Variants in TRAPPC11 observed in about 807,000 individuals in gnomAD.
The protein encoded by TRAPPC11 is foie gras homolog.
TRAPPC11 carries 104 observed loss-of-function variants against 151.2 expected under a neutral mutation model. The ratio of observed to expected loss-of-function variants is 0.69; its 90% CI spans 0.59 to 0.81. The LOEUF is 0.81. TRAPPC11 is among the 30% of genes least tolerant of loss of function. The probability of loss-of-function intolerance (pLI) is 0.00; values close to 1 mark genes in which losing one functional copy is unlikely to be tolerated. For synonymous variants in TRAPPC11, 456 were observed against 472.3 expected (o/e 0.97, Z 0.45); for missense variants, 1,230 against 1,349.6 (o/e 0.91, Z 1.39).
intron 29 of TRAPPC11, among the ~76,000 whole-genome samples, chr4:183,710,328 C>G (rs1737279533): frequency 6.6e-6 from 1 of 151,940 alleles, no homozygotes; most frequent in South Asian, 2.1e-4. Flanking sequence ...GCTCTGTTGC[C>G]CAGGCTGGAG....
intron 23 of TRAPPC11, among the ~76,000 whole-genome samples, chr4:183,695,553 G>A (rs903221868): frequency 1.3e-5 from 2 of 152,138 alleles, no homozygotes; most frequent in East Asian, 1.9e-4. Flanking sequence ...TTTCTAAATA[G>A]ATTCAATTGT....
rs150037760 is a variant in TRAPPC11, at chr4:183,703,650, C to T, written c.2964-1329C>T. 5.6e-4 allele frequency among the ~76,000 whole-genome samples: 86 copies of T among 152,216 alleles called. 1 individual carries two copies. The highest frequency in any genetic ancestry group is 1.6e-3 in the African/African-American group (67 of 41,534). Reference sequence around the variant, plus strand: ...CTTTCATAGACCTAGGTGGGAGGATCGCTGGAGCTCAGGAGGTATATTCAT... The same window carrying T: ...CTTTCATAGACCTAGGTGGGAGGATTGCTGGAGCTCAGGAGGTATATTCAT... On this transcript the variant is annotated intron_variant, in intron 26 of 29. Coordinates refer to ENST00000334690, the MANE Select transcript of TRAPPC11 (RefSeq NM_021942.6).
intron 20 of TRAPPC11, 131 bp from the exon 21 acceptor site, chr4:183,693,458 A>C (rs965772018): frequency 3.1e-6 from 3 of 966,252 alleles, no homozygotes; most frequent in Non-Finnish European, 4.5e-6. Flanking sequence ...CTCCTGCCTC[A>C]GTCTCCCAAA....
intron 5 of TRAPPC11, among the ~76,000 whole-genome samples, chr4:183,671,207 A>G (rs1735140010): frequency 6.6e-6 from 1 of 152,188 alleles, no homozygotes; most frequent in South Asian, 2.1e-4. Flanking sequence ...ATTTGAAGCA[A>G]AGAATTTCCA....
chr4:183,693,903 A>G lies in TRAPPC11; in HGVS notation c.2387-14A>G. On this transcript the variant is annotated splice_polypyrimidine_tract_variant and intron_variant, in intron 21 of 29. Coordinates refer to ENST00000334690, the MANE Select transcript of TRAPPC11 (RefSeq NM_021942.6). ...GAATTCTTTGTTTTGAAGAACCAAT[A>G]TTAACTCTTTTAGGACAGGATGCCA... The G allele has an allele frequency of 2.5e-6, 4 of 1,611,684 alleles. No homozygotes were observed. Among genetic ancestry groups the G allele is most frequent in the Non-Finnish European group, 2.5e-6 (3 of 1,178,052 alleles).
chr4:183,693,024 G>A lies in TRAPPC11; in HGVS notation c.2114G>A (p.Gly705Glu), dbSNP rs766495529. 4.3e-6 allele frequency: 7 copies of A among 1,612,244 alleles called. No individual in the cohort carries two copies. The highest frequency in any genetic ancestry group is 5.9e-6 in the Non-Finnish European group (7 of 1,178,790). ...TGRCVVLNWQ[G>E]GGGDAASSQE... ...AGATGTGTGGTTTTAAATTGGCAGGGAGGAGGAGGAGATGCTGCTTCCTCC... is the reference window on the plus strand; with the variant it reads ...AGATGTGTGGTTTTAAATTGGCAGGAAGGAGGAGGAGATGCTGCTTCCTCC... The change falls in exon 20 of 30, where the codon GGA becomes GAA. Residue 705 changes from glycine (G) to glutamate (E), a missense_variant. Gly to Glu is a moderately conservative substitution (Grantham distance 98, BLOSUM62 -2). Coordinates refer to ENST00000334690, the MANE Select transcript of TRAPPC11 (RefSeq NM_021942.6).
intron 29 of TRAPPC11, among the ~76,000 whole-genome samples, chr4:183,710,335 G>T (rs1737279771): frequency 6.6e-6 from 1 of 151,524 alleles, no homozygotes; most frequent in African/African-American, 2.4e-5. Context: ...TGCCCAGGCT[G>T]GAGTGCAGTG....
intron 2 of TRAPPC11, among the ~76,000 whole-genome samples, chr4:183,665,149 C>T (rs1405399366): frequency 7.7e-6 from 1 of 129,644 alleles, no homozygotes; most frequent in Non-Finnish European, 1.5e-5. Context: ...GGCTGGAGTG[C>T]TGTGGCGCGA....
At chr4:183,663,515 G>A (rs1734670534) in intron 1 of TRAPPC11, among the ~76,000 whole-genome samples, 1 of 152,090 alleles carries the variant, frequency 6.6e-6, no homozygotes, top group Admixed American at 6.6e-5. Context: ...TTACAGGCGT[G>A]AGTCACCACG....
chr4:183,660,992 G>A (rs1237995552), intron 1 of TRAPPC11, among the ~76,000 whole-genome samples: 4 of 152,040 alleles, frequency 2.6e-5, no homozygotes, highest in East Asian at 1.9e-4. Flanking sequence ...GATTACAGGC[G>A]TGAGCCGCTG....
At chr4:183,677,319 T>G in intron 7 of TRAPPC11, 139 bp from the exon 8 acceptor site, 1 of 649,034 alleles carries the variant, frequency 1.5e-6, no homozygotes, top group Non-Finnish European at 2.8e-6. Context: ...GGCTCATTTA[T>G]CAGGAAATCA....
rs1019996843 is a variant in TRAPPC11 at position 183,706,883 on chromosome 4, A to G, written c.3132A>G (p.Gln1044=). The G allele has an allele frequency of 1.2e-6, 2 of 1,614,028 alleles. No individual in the cohort carries two copies. The highest frequency in any genetic ancestry group is 2.7e-5 in the African/African-American group (2 of 74,920). The change falls in exon 28 of 30, where the codon CAA becomes CAG. Residue 1044 remains glutamine (Q), a synonymous_variant. Transcript: ENST00000334690. ...TACAGAATAAGACCGACTTAGTTCA[A>G]GATGTAGAAATTTCTGTGGAGCCCA... The part of the protein sequence containing the change: ...YHLQNKTDLV[Q]DVEISVEPSD...
chr4:183,681,604 C>T (rs1483222023), intron 10 of TRAPPC11, among the ~76,000 whole-genome samples: 1 of 151,930 alleles, frequency 6.6e-6, no homozygotes, highest in Non-Finnish European at 1.5e-5. Flanking sequence ...CACGATGAAA[C>T]CCCGTCTCTA....
chr4:183,671,590 A>G (rs1239919174), intron 5 of TRAPPC11, among the ~76,000 whole-genome samples: 4 of 152,150 alleles, frequency 2.6e-5, no homozygotes, highest in Non-Finnish European at 4.4e-5. Context: ...TTGTGTGAAT[A>G]TTTTTGCCTC....
intron 26 of TRAPPC11, 30 bp downstream of exon 26, chr4:183,701,838 T>G: frequency 7.5e-7 from 1 of 1,339,666 alleles, no homozygotes; most frequent in Non-Finnish European, 1.1e-6. Context: ...TGTCTTTTCT[T>G]CAATGTCTCT....
At chr4:183,684,958 C>T (rs764018525) in intron 15 of TRAPPC11, 117 bp downstream of exon 15, 2 of 1,290,296 alleles carry the variant, frequency 1.6e-6, no homozygotes, top group East Asian at 2.5e-5. Flanking sequence ...TTACTATGTG[C>T]AAATCACTGT....
rs766068607 is a variant in TRAPPC11, at chr4:183,693,898, C to T, written c.2387-19C>T. The stretch of plus-strand genomic sequence containing the variant: ...TGTTTGAATTCTTTGTTTTGAAGAA[C>T]CAATATTAACTCTTTTAGGACAGGA... On this transcript the variant is annotated intron_variant, in intron 21 of 29. Coordinates refer to ENST00000334690, the MANE Select transcript of TRAPPC11 (RefSeq NM_021942.6). 1 of 1,609,564 alleles carries T rather than the reference C, an allele frequency of 6.2e-7. No homozygotes were observed. The highest frequency in any genetic ancestry group is 2.2e-5 in the East Asian group (1 of 44,734).
chr4:183,692,870 C>A, intron 19 of TRAPPC11, 90 bp from the exon 20 acceptor site: 1 of 1,216,968 alleles, frequency 8.2e-7, no homozygotes, highest in Non-Finnish European at 1.2e-6. Flanking sequence ...ACTCCATGGT[C>A]TTAGCAGTCG....
intron 1 of TRAPPC11, among the ~76,000 whole-genome samples, chr4:183,662,557 A>G (rs1734612159): frequency 6.6e-6 from 1 of 152,202 alleles, no homozygotes; most frequent in East Asian, 1.9e-4. Context: ...ATTCATTGTT[A>G]GTTTTTCCCT....
Sources: allele counts gnomAD v4.1 joint callset (sites outside exome capture counted in the v4.1 genomes callset), GRCh38; gene constraint gnomAD v4.1.1; transcripts MANE v1.5; gene names NCBI Gene and HGNC (gene_info 2026-07-23, HGNC 2026-07-21).